BLK: variants seen among roughly 807,000 people sequenced by gnomAD.
BLK encodes the protein BLK proto-oncogene, Src family tyrosine kinase.
A neutral mutation model predicts 61.8 loss-of-function variants in BLK; 64 were observed. The observed-to-expected ratio is 1.03, with a 90% CI of 0.85 to 1.27. The LOEUF is 1.27. BLK is among the 50% of genes most tolerant of loss of function. BLK has a pLI of 0.00. For missense variants in BLK, 853 were observed against 660.5 expected, an observed-to-expected ratio of 1.29 and a Z score of -3.19; for synonymous variants, 351 against 272.0, an observed-to-expected ratio of 1.29 and a Z score of -2.86.
intron 1 of BLK, among the ~76,000 whole-genome samples, chr8:11,497,224 C>T (rs930564781): frequency 1.3e-5 from 2 of 152,188 alleles, no homozygotes; most frequent in Non-Finnish European, 2.9e-5. Context: ...AGGAAAATCA[C>T]AGCTAAAAGT....
intron 1 of BLK, among the ~76,000 whole-genome samples, chr8:11,504,160 C>T (rs902280438): frequency 6.6e-6 from 1 of 151,916 alleles, no homozygotes; most frequent in African/African-American, 2.4e-5. Context: ...TGTCTCTACT[C>T]AAAATGCAAA....
At chr8:11,558,864 C>T (rs1801350135) in intron 10 of BLK, 2 of 455,892 alleles carry the variant, frequency 4.4e-6, no homozygotes, top group South Asian at 3.1e-5. Flanking sequence ...AACGCTCCCA[C>T]CCACCGCCCA....
At chr8:11,545,953 C>T in intron 2 of BLK, 99 bp from the exon 3 acceptor site, 2 of 1,302,012 alleles carry the variant, frequency 1.5e-6, no homozygotes, top group Non-Finnish European at 2.2e-6. Flanking sequence ...CAGTAGGTCC[C>T]TGGAGATACC....
At chr8:11,503,588 G>A (rs1407465076) in intron 1 of BLK, among the ~76,000 whole-genome samples, 1 of 152,184 alleles carries the variant, frequency 6.6e-6, no homozygotes. Flanking sequence ...GCATGTGGCT[G>A]GGTGATTTCC....
intron 1 of BLK, among the ~76,000 whole-genome samples, chr8:11,541,116 A>C (rs1224624327): frequency 6.6e-6 from 1 of 152,126 alleles, no homozygotes; most frequent in African/African-American, 2.4e-5. Flanking sequence ...AAAATAAAAA[A>C]TTTAGTAGGG....
chr8:11,564,492 C>CGG lies in BLK; in HGVS notation c.*385_*386insGG, dbSNP rs1801642747. 1.9e-6 allele frequency: 1 copy of CGG among 513,744 alleles called. No individual in the cohort carries two copies. Among genetic ancestry groups the CGG allele is most frequent in the Non-Finnish European group, 3.8e-6 (1 of 264,598 alleles). 31.8% of individuals were successfully genotyped at this position (513,744 alleles called of 1,614,324 possible). ...GCCCTGCGTGGACCCCGCCCTGCCC[C>CGG]GCTACAGAAGCCAGACTGGGTCCCG... On this transcript the variant is annotated 3_prime_UTR_variant, in exon 13 of 13. Transcript: ENST00000259089.
In BLK at chr8:11,561,370, C is replaced by T. The variant is rs1327546249; in HGVS notation, c.1098C>T (p.Ile366=). 1.2e-6 allele frequency: 2 copies of T among 1,614,042 alleles called. No homozygotes were observed. Among genetic ancestry groups the T allele is most frequent in the African/African-American group, 2.7e-5 (2 of 74,918 alleles). ...SIHRDLRAAN[I]LVSEALCCKI... The stretch of plus-strand genomic sequence containing the variant: ...ACCGCGACCTGCGGGCGGCCAACAT[C>T]CTGGTGTCTGAGGCCTTGTGCTGCA... The change falls in exon 11 of 13, where the codon ATC becomes ATT. Residue 366 remains isoleucine, a synonymous_variant. Coordinates refer to ENST00000259089, the MANE Select transcript of BLK (RefSeq NM_001715.3).
intron 10 of BLK, among the ~76,000 whole-genome samples, chr8:11,559,328 C>T (rs111333952): frequency 1.6e-5 from 1 of 62,002 alleles, no homozygotes; most frequent in Admixed American, 1.4e-4. Flanking sequence ...AACACAGACT[C>T]ACACACACAC....
At chr8:11,551,811 C>T (rs1342689278) in intron 6 of BLK, among the ~76,000 whole-genome samples, 1 of 152,052 alleles carries the variant, frequency 6.6e-6, no homozygotes, top group African/African-American at 2.4e-5. Context: ...GAAAGGGAGT[C>T]CCTGAAACAG....
intron 1 of BLK, among the ~76,000 whole-genome samples, chr8:11,511,119 C>T (rs1379202897): frequency 6.6e-6 from 1 of 152,200 alleles, no homozygotes; most frequent in South Asian, 2.1e-4. Flanking sequence ...CTATTTGAGG[C>T]TGAAGGAGCC....
rs184436444 is a variant in BLK at position 11,527,561 on chromosome 8, C to T, written c.-1-15663C>T. ...TGAGTTGTCACTGAAATTAGTCTCC[C>T]CAAAGGTGTGAAGGTCAGGACTTTT... On this transcript the variant is annotated intron_variant, in intron 1 of 12. Coordinates refer to ENST00000259089, the MANE Select transcript of BLK (RefSeq NM_001715.3). 5.5e-4 allele frequency among the ~76,000 whole-genome samples: 83 copies of T among 151,812 alleles called. 1 individual carries two copies. The highest frequency in any genetic ancestry group is 3.4e-3 in the Middle Eastern group (1 of 294).
At chr8:11,504,065 T>A (rs1798665672) in intron 1 of BLK, among the ~76,000 whole-genome samples, 1 of 152,300 alleles carries the variant, frequency 6.6e-6, no homozygotes, top group East Asian at 1.9e-4. Flanking sequence ...GGCACACACC[T>A]GTAATCTCAG....
chr8:11,544,230 G>T (rs1471331494), intron 2 of BLK, among the ~76,000 whole-genome samples: 2 of 152,166 alleles, frequency 1.3e-5, no homozygotes, highest in Non-Finnish European at 2.9e-5. Flanking sequence ...CTCCCAAAGT[G>T]GTGGGATTAC....
intron 6 of BLK, among the ~76,000 whole-genome samples, chr8:11,553,895 T>C (rs1031427769): frequency 2.6e-5 from 4 of 151,996 alleles, no homozygotes; most frequent in African/African-American, 9.7e-5. Context: ...AAACCAAGCG[T>C]CCACAACGAG....
intron 1 of BLK, among the ~76,000 whole-genome samples, chr8:11,498,808 C>A (rs1798452998): frequency 2.0e-5 from 3 of 152,194 alleles, no homozygotes; most frequent in African/African-American, 7.2e-5. Flanking sequence ...ACAGGATTAA[C>A]AGAATTAAAT....
In BLK at chr8:11,556,649, C is replaced by CG. The variant is rs762801786; in HGVS notation, c.773-6dup. ...CTTCTGATTGGCTTCTTCACTCCCCCGGGCTCAGGTTACTACAAAAACAAC... is the reference window on the plus strand; with the variant it reads ...CTTCTGATTGGCTTCTTCACTCCCCCGGGGCTCAGGTTACTACAAAAACAAC... On this transcript the variant is annotated splice_polypyrimidine_tract_variant and intron_variant, in intron 8 of 12. Coordinates refer to ENST00000259089, the MANE Select transcript of BLK (RefSeq NM_001715.3). The CG allele has an allele frequency of 1.9e-6, 3 of 1,614,080 alleles. No homozygotes were observed. The highest frequency in any genetic ancestry group is 2.5e-6 in the Non-Finnish European group (3 of 1,180,002).
chr8:11,552,882 C>T (rs1399828515), intron 6 of BLK: 1 of 152,550 alleles, frequency 6.6e-6, no homozygotes, highest in African/African-American at 2.4e-5. Flanking sequence ...ATCATCACCA[C>T]CACACGCACA....
At chr8:11,506,516 G>A (rs1798774672) in intron 1 of BLK, among the ~76,000 whole-genome samples, 1 of 152,178 alleles carries the variant, frequency 6.6e-6, no homozygotes, top group Non-Finnish European at 1.5e-5. Context: ...ATTTACGTAT[G>A]TTGAGTGTGA....
intron 1 of BLK, among the ~76,000 whole-genome samples, chr8:11,514,978 G>A (rs528150548): frequency 1.9e-4 from 29 of 152,180 alleles, no homozygotes; most frequent in East Asian, 5.8e-4. Context: ...GTTGAGGCAC[G>A]CACATGACTT....
Sources: gnomAD v4.1 joint callset for allele counts (sites outside exome capture counted in the v4.1 genomes callset) on GRCh38, gnomAD v4.1.1 for gene constraint, MANE v1.5 for transcripts, NCBI Gene and HGNC (gene_info 2026-07-23, HGNC 2026-07-21) for gene names.